The following BBS9 variants were observed in gnomAD, a reference collection of about 807,000 sequenced individuals.
The protein encoded by BBS9 is protein PTHB1.
In BBS9, 89 loss-of-function variants were observed where a neutral mutation model predicts 117.7. That is an observed-to-expected ratio of 0.76 (90% CI 0.64 to 0.90). The LOEUF is 0.90. Among genes scored for constraint, BBS9 ranks in the 40% least tolerant of loss-of-function variants. The probability of loss-of-function intolerance (pLI) is 0.00; values close to 1 mark genes in which losing one functional copy is unlikely to be tolerated. For synonymous variants in BBS9, 379 were observed against 370.9 expected (o/e 1.02, Z -0.25); for missense variants, 982 against 1,042.2 (o/e 0.94, Z 0.80).
At chr7:33,556,667 G>A (rs1231281425) in intron 21 of BBS9, among the ~76,000 whole-genome samples, 1 of 152,150 alleles carries the variant, frequency 6.6e-6, no homozygotes, top group Non-Finnish European at 1.5e-5. Context: ...TTGAAGACCT[G>A]GCACTAAATT....
chr7:33,544,742 G>T (rs1044881842), intron 21 of BBS9, among the ~76,000 whole-genome samples: 14 of 152,130 alleles, frequency 9.2e-5, no homozygotes, highest in Admixed American at 3.3e-4. Context: ...CAGTGGGTGG[G>T]GCCCTAGAAC....
intron 9 of BBS9, among the ~76,000 whole-genome samples, chr7:33,318,579 TA>T (rs1436240027): frequency 6.6e-6 from 1 of 152,126 alleles, no homozygotes; most frequent in Non-Finnish European, 1.5e-5. Flanking sequence ...TATTATTTTT[TA>T]AAAAATATTT....
At chr7:33,552,485 C>A (rs957450161) in intron 21 of BBS9, among the ~76,000 whole-genome samples, 4 of 152,116 alleles carry the variant, frequency 2.6e-5, no homozygotes, top group African/African-American at 9.7e-5. Context: ...CTCTTGGATT[C>A]CTTGTCAGTT....
intron 1 of BBS9, among the ~76,000 whole-genome samples, chr7:33,137,515 A>G (rs1399020583): frequency 6.6e-6 from 1 of 152,202 alleles, no homozygotes; most frequent in Non-Finnish European, 1.5e-5. Context: ...GTGTCTTCGC[A>G]GTGGCTGCCA....
At chr7:33,368,786 T>C (rs1235462490) in intron 17 of BBS9, among the ~76,000 whole-genome samples, 1 of 152,108 alleles carries the variant, frequency 6.6e-6, no homozygotes, top group East Asian at 1.9e-4. Context: ...AAGAAAAGTA[T>C]TAGCAGGAGG....
chr7:33,143,556 C>T (rs919387220), intron 1 of BBS9, among the ~76,000 whole-genome samples: 1 of 151,640 alleles, frequency 6.6e-6, no homozygotes, highest in Non-Finnish European at 1.5e-5. Context: ...GCTCCTTGGC[C>T]ATTTGTATAT....
At chr7:33,505,361 C>A in intron 19 of BBS9, 102 bp from the exon 20 acceptor site, 1 of 1,101,628 alleles carries the variant, frequency 9.1e-7, no homozygotes, top group Non-Finnish European at 1.4e-6. Context: ...AGACAAAGTT[C>A]ATCAAGTTGT....
intron 21 of BBS9, among the ~76,000 whole-genome samples, chr7:33,623,257 TAAAC>T (rs1562539677): frequency 1.3e-5 from 2 of 151,546 alleles, no homozygotes; most frequent in Admixed American, 6.6e-5. Flanking sequence ...TTGCAGAAGA[TAAAC>T]AATTAATATG....
At chr7:33,201,376 AT>A (rs944840115) in intron 5 of BBS9, among the ~76,000 whole-genome samples, 20 of 150,700 alleles carry the variant, frequency 1.3e-4, no homozygotes, top group Admixed American at 2.0e-4. Flanking sequence ...TTTATTGTTA[AT>A]TTTTTTTTCT....
chr7:33,234,699 CCA>C (rs58160238), intron 5 of BBS9, among the ~76,000 whole-genome samples: 20 of 149,772 alleles, frequency 1.3e-4, no homozygotes, highest in African/African-American at 2.4e-4. Context: ...CTCCATCTAT[CCA>C]CACACACACA....
chr7:33,470,157 G>T (rs1469528940), intron 19 of BBS9, among the ~76,000 whole-genome samples: 1 of 152,210 alleles, frequency 6.6e-6, no homozygotes, highest in South Asian at 2.1e-4. Flanking sequence ...AGTGCTTATT[G>T]TACTAAATCC....
intron 17 of BBS9, among the ~76,000 whole-genome samples, chr7:33,374,006 T>G (rs1411902214): frequency 2.0e-5 from 3 of 152,198 alleles, no homozygotes; most frequent in Non-Finnish European, 4.4e-5. Context: ...CCCTTTTCAT[T>G]CAGCAGACAT....
intron 5 of BBS9, among the ~76,000 whole-genome samples, chr7:33,198,170 C>T (rs1214201848): frequency 6.6e-6 from 1 of 151,912 alleles, no homozygotes; most frequent in East Asian, 1.9e-4. Context: ...TAGATCTTTG[C>T]TAAAATAAGA....
At chr7:33,207,552 T>G (rs11526177) in intron 5 of BBS9, among the ~76,000 whole-genome samples, 1 of 150,444 alleles carries the variant, frequency 6.6e-6, no homozygotes, top group Non-Finnish European at 1.5e-5. Context: ...TTTTTTTTTG[T>G]TAGCATTTCT....
intron 21 of BBS9, among the ~76,000 whole-genome samples, chr7:33,547,048 T>C (rs1853502133): frequency 6.6e-6 from 1 of 152,202 alleles, no homozygotes; most frequent in Admixed American, 6.5e-5. Context: ...GAAATAATTA[T>C]AGACTCGTGG....
At chr7:33,304,982 G>A (rs1238015736) in intron 9 of BBS9, among the ~76,000 whole-genome samples, 1 of 151,920 alleles carries the variant, frequency 6.6e-6, no homozygotes, top group African/African-American at 2.4e-5. Context: ...AAGTACCCAG[G>A]GACACAAACA....
intron 19 of BBS9, among the ~76,000 whole-genome samples, chr7:33,495,292 A>C (rs1024234285): frequency 3.3e-5 from 5 of 152,136 alleles, no homozygotes; most frequent in Non-Finnish European, 5.9e-5. Flanking sequence ...AGCACTTGCT[A>C]CCTTAGCTAA....
intron 5 of BBS9, among the ~76,000 whole-genome samples, chr7:33,195,135 A>G (rs529793246): frequency 1.3e-5 from 2 of 152,272 alleles, no homozygotes; most frequent in East Asian, 3.9e-4. Context: ...AGGTTTTTCT[A>G]TAAGCTTCCT....
At chr7:33,151,850 C>CTTTTTTTT (rs11346140) in intron 2 of BBS9, among the ~76,000 whole-genome samples, 2 of 82,352 alleles carry the variant, frequency 2.4e-5, no homozygotes, top group Non-Finnish European at 4.7e-5. Flanking sequence ...TGCACCCAGC[C>CTTTTTTTT]TTTTTTTTTT....
Sources: allele counts gnomAD v4.1 joint callset (sites outside exome capture counted in the v4.1 genomes callset), GRCh38; gene constraint gnomAD v4.1.1; transcripts MANE v1.5; gene names NCBI Gene and HGNC (gene_info 2026-07-23, HGNC 2026-07-21).